ADGRB3: variants seen among roughly 807,000 people sequenced by gnomAD.
ADGRB3 encodes adhesion G protein-coupled receptor B3, also known as brain-specific angiogenesis inhibitor 3.
A neutral mutation model predicts 193.4 loss-of-function variants in ADGRB3; 37 were observed. The observed-to-expected ratio is 0.19, with a 90% confidence interval of 0.15 to 0.25. The LOEUF (loss-of-function observed/expected upper bound fraction) is 0.25. Among genes scored for constraint, ADGRB3 ranks in the 10% least tolerant of loss-of-function variants. ADGRB3 has a pLI of 1.00. For synonymous variants in ADGRB3, 690 were observed against 644.2 expected (o/e 1.07, Z -1.08); for missense variants, 1,637 against 1,852.9 (o/e 0.88, Z 2.14).
intron 30 of ADGRB3, among the ~76,000 whole-genome samples, chr6:69,378,522 G>A (rs879460470): frequency 9.9e-5 from 15 of 152,028 alleles, no homozygotes; most frequent in Non-Finnish European, 1.5e-5. Context: ...GGGTTATTGT[G>A]AGGATTAAGA....
chr6:69,297,674 A>T (rs561637992), intron 20 of ADGRB3, among the ~76,000 whole-genome samples: 1 of 152,098 alleles, frequency 6.6e-6, no homozygotes, highest in Non-Finnish European at 1.5e-5. Context: ...AGAAGGGTGA[A>T]TATGTTGGTA....
At chr6:69,293,740 T>G (rs1017902788) in intron 20 of ADGRB3, among the ~76,000 whole-genome samples, 1 of 152,014 alleles carries the variant, frequency 6.6e-6, no homozygotes, top group African/African-American at 2.4e-5. Flanking sequence ...AAAGTGACGA[T>G]AGACTCAGGG....
chr6:69,168,001 C>T (rs976860823), intron 17 of ADGRB3, among the ~76,000 whole-genome samples: 1 of 152,022 alleles, frequency 6.6e-6, no homozygotes, highest in Non-Finnish European at 1.5e-5. Context: ...AAATGAGAAA[C>T]GATGTATGAT....
At position 68,982,737 on chromosome 6, in the gene ADGRB3, G is replaced by A. The variant is rs369428243; in HGVS notation, c.1734+7397G>A. Among the ~76,000 whole-genome samples, 23 of 152,032 alleles carry A rather than the reference G, an allele frequency of 1.5e-4. No individual in the cohort carries two copies. The East Asian group carries it at 3.7e-3, about 24-fold the overall frequency. On this transcript the variant is annotated intron_variant, in intron 10 of 31. Transcript: ENST00000370598. ...GGCAGAAGCTCAGCAAATGTTTCAC[G>A]AGAAAAAAAATCTCAGCAGGATTTT...
chr6:69,171,492 G>A lies in ADGRB3; in HGVS notation c.2481-61798G>A, dbSNP rs569979247. On this transcript the variant is annotated intron_variant, in intron 17 of 31. Transcript: ENST00000370598. ...TCCTACCCGTAGTCCATTTGCTATG[G>A]GGTAAGGTAACTCAAAGTTCTAGTT... 7.9e-5 allele frequency among the ~76,000 whole-genome samples: 12 copies of A among 152,244 alleles called. No individual in the cohort carries two copies. In the East Asian group the frequency reaches 2.3e-3, roughly 29 times the overall value.
chr6:69,325,507 G>C lies in ADGRB3; in HGVS notation c.2965+485G>C, dbSNP rs572907195. 5.9e-5 allele frequency among the ~76,000 whole-genome samples: 9 copies of C among 152,214 alleles called. No homozygotes were observed. In the South Asian group the frequency reaches 1.5e-3, roughly 25 times the overall value. On this transcript the variant is annotated intron_variant, in intron 21 of 31. Coordinates refer to ENST00000370598, the MANE Select transcript of ADGRB3 (RefSeq NM_001704.3). Reference sequence around the variant, plus strand: ...ATGAAACCTCACAGCTTGTTGACCTGGTCCTCAAAAGCAGAAACAGAATTG... The same window carrying C: ...ATGAAACCTCACAGCTTGTTGACCTCGTCCTCAAAAGCAGAAACAGAATTG...
At chr6:69,052,435 G>A (rs988551023) in intron 15 of ADGRB3, among the ~76,000 whole-genome samples, 1 of 152,198 alleles carries the variant, frequency 6.6e-6, no homozygotes, top group Admixed American at 6.5e-5. Context: ...ATTCCTTGTT[G>A]AGGATTTTAC....
intron 29 of ADGRB3, among the ~76,000 whole-genome samples, chr6:69,363,466 A>T (rs1406573276): frequency 6.6e-6 from 1 of 152,042 alleles, no homozygotes; most frequent in Middle Eastern, 3.2e-3. Flanking sequence ...ACAGGAATTA[A>T]TCTTCACAAC....
chr6:69,321,748 T>A (rs1768460859), intron 20 of ADGRB3, among the ~76,000 whole-genome samples: 1 of 151,836 alleles, frequency 6.6e-6, no homozygotes, highest in Non-Finnish European at 1.5e-5. Flanking sequence ...ATAATAAAGT[T>A]CATTTGAAAA....
chr6:69,087,025 A>G (rs1004822102), intron 17 of ADGRB3, among the ~76,000 whole-genome samples: 1 of 152,148 alleles, frequency 6.6e-6, no homozygotes, highest in African/African-American at 2.4e-5. Context: ...ACAAGGTACT[A>G]CTTGCTTAAG....
intron 3 of ADGRB3, among the ~76,000 whole-genome samples, chr6:68,711,393 A>G (rs915668052): frequency 1.7e-4 from 26 of 152,156 alleles, no homozygotes; most frequent in Admixed American, 1.2e-3. Context: ...GAAAACAAAC[A>G]GAATTTACGA....
At chr6:69,246,128 A>G (rs935474875) in intron 20 of ADGRB3, among the ~76,000 whole-genome samples, 1 of 152,142 alleles carries the variant, frequency 6.6e-6, no homozygotes, top group African/African-American at 2.4e-5. Context: ...GCTGAAAACT[A>G]GCAAAAGTTA....
At chr6:69,123,803 TC>T (rs1773782672) in intron 17 of ADGRB3, among the ~76,000 whole-genome samples, 1 of 152,006 alleles carries the variant, frequency 6.6e-6, no homozygotes, top group Admixed American at 6.6e-5. Flanking sequence ...AGTAGGGTGG[TC>T]AATGTGACCA....
At chr6:68,979,015 A>G (rs764809004) in intron 10 of ADGRB3, among the ~76,000 whole-genome samples, 11 of 151,388 alleles carry the variant, frequency 7.3e-5, no homozygotes, top group South Asian at 2.1e-4. Context: ...TGTATGTTCT[A>G]TGAACTCTCA....
At chr6:68,819,184 C>T (rs939627598) in intron 3 of ADGRB3, among the ~76,000 whole-genome samples, 1 of 151,828 alleles carries the variant, frequency 6.6e-6, no homozygotes, top group African/African-American at 2.4e-5. Context: ...TAGATGTATC[C>T]TCCATCACAC....
intron 3 of ADGRB3, among the ~76,000 whole-genome samples, chr6:68,821,173 C>T (rs1432798739): frequency 6.6e-6 from 1 of 151,960 alleles, no homozygotes; most frequent in African/African-American, 2.4e-5. Context: ...AAATATTAAT[C>T]AAATAAACAA....
At chr6:69,297,922 G>A (rs1470169201) in intron 20 of ADGRB3, among the ~76,000 whole-genome samples, 1 of 151,974 alleles carries the variant, frequency 6.6e-6, no homozygotes, top group African/African-American at 2.4e-5. Context: ...AGAGCTGATG[G>A]TTTGAAATCC....
chr6:69,024,073 T>G (rs1033300571), intron 13 of ADGRB3, among the ~76,000 whole-genome samples: 2 of 152,162 alleles, frequency 1.3e-5, no homozygotes, highest in African/African-American at 4.8e-5. Context: ...ATAAAAGTGA[T>G]AGTTGAAGTC....
chr6:69,199,818 G>T (rs1161526048), intron 17 of ADGRB3, among the ~76,000 whole-genome samples: 1 of 152,066 alleles, frequency 6.6e-6, no homozygotes, highest in Non-Finnish European at 1.5e-5. Flanking sequence ...CATGACCTTG[G>T]ATTCAAACTG....
Sources: allele counts gnomAD v4.1 joint callset (sites outside exome capture counted in the v4.1 genomes callset), GRCh38; gene constraint gnomAD v4.1.1; transcripts MANE v1.5; gene names NCBI Gene and HGNC (gene_info 2026-07-23, HGNC 2026-07-21).